CTNND2: variants seen among roughly 807,000 people sequenced by gnomAD.
CTNND2 encodes catenin delta-2.
In CTNND2, 22 loss-of-function variants were observed where a neutral mutation model predicts 144.4. That is an observed-to-expected ratio of 0.15 (90% CI 0.11 to 0.22). CTNND2 has a LOEUF of 0.22. CTNND2 is among the 10% of genes least tolerant of loss of function. CTNND2 has a pLI of 1.00. For synonymous variants in CTNND2, 751 were observed against 695.6 expected (o/e 1.08, Z -1.25); for missense variants, 1,353 against 1,618.8 (o/e 0.84, Z 2.82).
At chr5:11,018,427 T>C (rs1054478772) in intron 17 of CTNND2, among the ~76,000 whole-genome samples, 4 of 152,088 alleles carry the variant, frequency 2.6e-5, no homozygotes, top group Non-Finnish European at 5.9e-5. Context: ...TTACTTTAAA[T>C]CAAAAGCAAG....
chr5:11,644,516 T>C (rs1020952184), intron 2 of CTNND2, among the ~76,000 whole-genome samples: 8 of 151,824 alleles, frequency 5.3e-5, no homozygotes, highest in Non-Finnish European at 8.8e-5. Flanking sequence ...CTACTAAAAA[T>C]ACAAAAAATT....
intron 10 of CTNND2, among the ~76,000 whole-genome samples, chr5:11,205,440 T>TA (rs1225098042): frequency 6.6e-6 from 1 of 152,362 alleles, no homozygotes; most frequent in African/African-American, 2.4e-5. Context: ...TTTAAAATGA[T>TA]ATAATTATTA....
chr5:11,411,713 G>A (rs1303841748), intron 4 of CTNND2, 61 bp from the exon 5 acceptor site: 1 of 1,043,040 alleles, frequency 9.6e-7, no homozygotes, highest in Non-Finnish European at 1.5e-6. Context: ...TAAAGATTTA[G>A]GTTATCATTT....
intron 10 of CTNND2, among the ~76,000 whole-genome samples, chr5:11,234,316 C>A (rs1384205442): frequency 6.6e-6 from 1 of 152,062 alleles, no homozygotes; most frequent in Non-Finnish European, 1.5e-5. Context: ...CCGTTCCTGG[C>A]CAAAAAGAAG....
At chr5:11,730,074 T>C (rs1344393311) in intron 2 of CTNND2, among the ~76,000 whole-genome samples, 2 of 152,204 alleles carry the variant, frequency 1.3e-5, no homozygotes, top group Admixed American at 1.3e-4. Flanking sequence ...TTTATCAACA[T>C]GTTATTATAC....
chr5:11,350,857 C>T (rs1277115690), intron 8 of CTNND2, among the ~76,000 whole-genome samples: 1 of 151,892 alleles, frequency 6.6e-6, no homozygotes, highest in Non-Finnish European at 1.5e-5. Context: ...TATGTGAAAA[C>T]AATTACTTTA....
chr5:11,744,955 C>T (rs917981729), intron 1 of CTNND2, among the ~76,000 whole-genome samples: 1 of 151,788 alleles, frequency 6.6e-6, no homozygotes, highest in African/African-American at 2.4e-5. Flanking sequence ...AGGTGGGTCT[C>T]GAACTCCTGA....
At chr5:11,791,810 C>G (rs966373436) in intron 1 of CTNND2, among the ~76,000 whole-genome samples, 1 of 152,154 alleles carries the variant, frequency 6.6e-6, no homozygotes, top group African/African-American at 2.4e-5. Context: ...TAGTATCAAT[C>G]TCAGTCTTCA....
intron 1 of CTNND2, among the ~76,000 whole-genome samples, chr5:11,875,547 T>C (rs1467794069): frequency 6.6e-6 from 1 of 152,158 alleles, no homozygotes; most frequent in Non-Finnish European, 1.5e-5. Flanking sequence ...GAGAAAATTA[T>C]ATTCAGATGA....
At chr5:11,587,816 T>C (rs1778973265) in intron 2 of CTNND2, among the ~76,000 whole-genome samples, 1 of 152,138 alleles carries the variant, frequency 6.6e-6, no homozygotes, top group South Asian at 2.1e-4. Context: ...ACAGCCAACT[T>C]AAATATATAA....
At chr5:11,233,174 A>G (rs1741233662) in intron 10 of CTNND2, among the ~76,000 whole-genome samples, 1 of 152,170 alleles carries the variant, frequency 6.6e-6, no homozygotes, top group African/African-American at 2.4e-5. Context: ...AGGGGAACTG[A>G]GGAGATGGTC....
At chr5:11,641,395 C>A (rs1450055235) in intron 2 of CTNND2, among the ~76,000 whole-genome samples, 2 of 149,284 alleles carry the variant, frequency 1.3e-5, no homozygotes, top group East Asian at 1.9e-4. Flanking sequence ...CTGGAAAAGA[C>A]ATTTAATCTC....
At chr5:11,092,088 A>C (rs1156300761) in intron 15 of CTNND2, among the ~76,000 whole-genome samples, 1 of 151,992 alleles carries the variant, frequency 6.6e-6, no homozygotes, top group African/African-American at 2.4e-5. Context: ...ACTCTCTCTC[A>C]AGGTGGTGAG....
At chr5:11,514,752 A>C (rs1772006450) in intron 3 of CTNND2, among the ~76,000 whole-genome samples, 1 of 152,172 alleles carries the variant, frequency 6.6e-6, no homozygotes, top group Non-Finnish European at 1.5e-5. Flanking sequence ...ACTTTTCCCT[A>C]AGATGCAAAT....
chr5:11,315,076 T>G (rs905133909), intron 9 of CTNND2, among the ~76,000 whole-genome samples: 1 of 147,322 alleles, frequency 6.8e-6, no homozygotes, highest in Non-Finnish European at 1.5e-5. Context: ...CCCAGTTTTT[T>G]TAAATTAAGC....
chr5:11,104,668 G>GTAGTGC (rs1159407240), intron 14 of CTNND2, among the ~76,000 whole-genome samples: 3 of 152,152 alleles, frequency 2.0e-5, no homozygotes, highest in Non-Finnish European at 4.4e-5. Flanking sequence ...AAAGAAAACG[G>GTAGTGC]TAGTGCGGGT....
chr5:11,254,980 G>A (rs997502122), intron 9 of CTNND2, among the ~76,000 whole-genome samples: 1 of 152,200 alleles, frequency 6.6e-6, no homozygotes, highest in Non-Finnish European at 1.5e-5. Context: ...TTGGGTTGCT[G>A]TTGTAATTTA....
At chr5:11,279,105 A>T (rs1421050191) in intron 9 of CTNND2, among the ~76,000 whole-genome samples, 1 of 152,164 alleles carries the variant, frequency 6.6e-6, no homozygotes, top group Non-Finnish European at 1.5e-5. Flanking sequence ...GGAAAAAGGC[A>T]TCCATGGGAC....
intron 9 of CTNND2, among the ~76,000 whole-genome samples, chr5:11,293,144 G>T (rs1484708925): frequency 6.6e-6 from 1 of 152,144 alleles, no homozygotes; most frequent in Non-Finnish European, 1.5e-5. Context: ...CCTAGTTCAA[G>T]GTCACTCAGA....
Sources: gnomAD v4.1 joint callset for allele counts (sites outside exome capture counted in the v4.1 genomes callset) on GRCh38, gnomAD v4.1.1 for gene constraint, MANE v1.5 for transcripts, NCBI Gene and HGNC (gene_info 2026-07-23, HGNC 2026-07-21) for gene names.